The following CNTN5 variants were observed in gnomAD, a reference collection of about 807,000 sequenced individuals.
CNTN5 encodes contactin-5.
In CNTN5, 77 loss-of-function variants were observed where a neutral mutation model predicts 129.1. The observed-to-expected ratio is 0.60, with a 90% CI of 0.50 to 0.72. The LOEUF (loss-of-function observed/expected upper bound fraction) is 0.72, where lower values mean the gene tolerates loss of function less well. CNTN5 is among the 30% of genes least tolerant of loss of function. The pLI is 0.00. For synonymous variants in CNTN5, 509 were observed against 465.6 expected (o/e 1.09, Z -1.20); for missense variants, 1,478 against 1,328.8 (o/e 1.11, Z -1.75).
chr11:99,982,402 G>A (rs1012914491), intron 8 of CNTN5, among the ~76,000 whole-genome samples: 1 of 152,134 alleles, frequency 6.6e-6, no homozygotes, highest in Non-Finnish European at 1.5e-5. Flanking sequence ...ATGGATTGGG[G>A]TAAAAAGACA....
At position 99,633,536 on chromosome 11, in the gene CNTN5, A is replaced by G. The variant is rs1348092046; in HGVS notation, c.55+77267A>G. Among the ~76,000 whole-genome samples, 3 of 152,160 alleles carry G rather than the reference A, an allele frequency of 2.0e-5. No individual in the cohort carries two copies. In the East Asian group the frequency reaches 5.8e-4, roughly 29 times the overall value. ...ACCAGGTACTTCATACTGAAAGGTGACATAAGACAAAATAAATATTTATCA... is the reference window on the plus strand; with the variant it reads ...ACCAGGTACTTCATACTGAAAGGTGGCATAAGACAAAATAAATATTTATCA... On this transcript the variant is annotated intron_variant, in intron 3 of 24. Transcript: ENST00000524871.
At chr11:99,909,814 G>T (rs924944798) in intron 6 of CNTN5, among the ~76,000 whole-genome samples, 5 of 151,746 alleles carry the variant, frequency 3.3e-5, no homozygotes, top group Non-Finnish European at 7.4e-5. Context: ...CCTGTTGTGG[G>T]GTGGGGGGAG....
chr11:99,226,290 C>T (rs1410718276), intron 1 of CNTN5, among the ~76,000 whole-genome samples: 1 of 151,992 alleles, frequency 6.6e-6, no homozygotes, highest in East Asian at 1.9e-4. Context: ...CTTTAGGATC[C>T]CCCTTCACAT....
intron 1 of CNTN5, among the ~76,000 whole-genome samples, chr11:99,229,510 C>A: frequency 1.9e-5 from 2 of 103,662 alleles, no homozygotes; most frequent in Non-Finnish European, 1.9e-5. Flanking sequence ...AATGATAAAA[C>A]TAAATCACAA....
rs1211029444 is a variant in CNTN5 at position 100,037,328 on chromosome 11, T to A, written c.981-23884T>A. Among the ~76,000 whole-genome samples the A allele has an allele frequency of 4.4e-3, 665 of 151,796 alleles. 4 individuals are homozygous for A. The highest frequency in any genetic ancestry group is 7.2e-3 in the Non-Finnish European group (490 of 67,926). On this transcript the variant is annotated intron_variant, in intron 9 of 24. Transcript: ENST00000524871. The stretch of plus-strand genomic sequence containing the variant: ...TCCCAGGGATGAAGCCCACTTGATC[T>A]TGGTGGATAAGCTTTTTGATGTGCT...
chr11:99,458,768 A>G lies in CNTN5; in HGVS notation c.-70-97377A>G, dbSNP rs74905535. Among the ~76,000 whole-genome samples the G allele has an allele frequency of 7.8e-3, 1,191 of 152,144 alleles. 20 individuals carry two copies. Among genetic ancestry groups the G allele is most frequent in the African/African-American group, 0.027 (1,113 of 41,540 alleles). On this transcript the variant is annotated intron_variant, in intron 2 of 24. Transcript: ENST00000524871. ...CATTTCAAGAGAATGTTAGTGAAGG[A>G]AAAACCTGAAGTCTGGGGAACTGAG...
chr11:99,576,039 C>G (rs962976901), intron 3 of CNTN5, among the ~76,000 whole-genome samples: 1 of 152,076 alleles, frequency 6.6e-6, no homozygotes, highest in African/African-American at 2.4e-5. Flanking sequence ...CCTGTATATT[C>G]CAGCAACATT....
chr11:99,459,213 A>G (rs2055603), intron 2 of CNTN5, among the ~76,000 whole-genome samples: 25,041 of 151,918 alleles, frequency 0.16, 2,368 homozygotes, highest in East Asian at 0.4. Flanking sequence ...AGCTGATGGC[A>G]AAGAAGATGG....
chr11:99,260,705 G>T (rs969668128), intron 1 of CNTN5, among the ~76,000 whole-genome samples: 1 of 151,760 alleles, frequency 6.6e-6, no homozygotes, highest in Non-Finnish European at 1.5e-5. Context: ...TGGTATTATT[G>T]GATGGTTATC....
intron 8 of CNTN5, among the ~76,000 whole-genome samples, chr11:99,985,539 G>T (rs186473975): frequency 6.6e-6 from 1 of 152,050 alleles, no homozygotes; most frequent in Non-Finnish European, 1.5e-5. Context: ...GTAAGAAGGC[G>T]TTTTTCAGAA....
rs561061176 is a variant in CNTN5, at chr11:99,641,388, C to A, written c.55+85119C>A. On this transcript the variant is annotated intron_variant, in intron 3 of 24. Coordinates refer to ENST00000524871, the MANE Select transcript of CNTN5 (RefSeq NM_014361.4). ...GTTTATAATACCTCAATTCTAGTTA[C>A]TAAACTGTGAATTGGTTCCAATCCT... 4.9e-5 allele frequency among the ~76,000 whole-genome samples: 7 copies of A among 143,034 alleles called. 1 individual carries two copies. The highest frequency in any genetic ancestry group is 9.3e-5 in the Non-Finnish European group (6 of 64,678). 93.8% of individuals were successfully genotyped at this position (143,034 alleles called of 152,430 possible).
intron 1 of CNTN5, among the ~76,000 whole-genome samples, chr11:99,098,408 G>A (rs1866573898): frequency 6.6e-6 from 1 of 151,932 alleles, no homozygotes; most frequent in Non-Finnish European, 1.5e-5. Context: ...ATTTCCTCGA[G>A]GTACCCAGAC....
intron 2 of CNTN5, among the ~76,000 whole-genome samples, chr11:99,379,399 G>T (rs1940387503): frequency 6.6e-6 from 1 of 151,942 alleles, no homozygotes; most frequent in Non-Finnish European, 1.5e-5. Context: ...CGATCAGTGG[G>T]TGATTGATTT....
At chr11:99,164,534 A>G (rs1202494482) in intron 1 of CNTN5, among the ~76,000 whole-genome samples, 8 of 152,306 alleles carry the variant, frequency 5.3e-5, no homozygotes, top group South Asian at 4.1e-4. Flanking sequence ...TGTATCATAT[A>G]GTTACGTAGT....
intron 9 of CNTN5, among the ~76,000 whole-genome samples, chr11:100,012,267 A>T (rs1591052463): frequency 6.6e-6 from 1 of 152,142 alleles, no homozygotes; most frequent in African/African-American, 2.4e-5. Flanking sequence ...GATGGATCCT[A>T]AAAGAACCTT....
chr11:99,804,462 A>G (rs1946207686), intron 3 of CNTN5, among the ~76,000 whole-genome samples: 1 of 151,878 alleles, frequency 6.6e-6, no homozygotes, highest in African/African-American at 2.4e-5. Context: ...TATACTGAAC[A>G]TGTCAATCCC....
chr11:100,017,579 C>A (rs571908818), intron 9 of CNTN5, among the ~76,000 whole-genome samples: 42 of 151,852 alleles, frequency 2.8e-4, no homozygotes, highest in Non-Finnish European at 5.2e-4. Context: ...TAAATTAGAA[C>A]CTGAGTGATG....
At chr11:99,666,532 G>T (rs1952799340) in intron 3 of CNTN5, among the ~76,000 whole-genome samples, 1 of 152,160 alleles carries the variant, frequency 6.6e-6, no homozygotes, top group African/African-American at 2.4e-5. Context: ...ACCAAGAGTA[G>T]ATTAAAAGGC....
intron 3 of CNTN5, among the ~76,000 whole-genome samples, chr11:99,806,038 T>C (rs1946258659): frequency 6.6e-6 from 1 of 152,192 alleles, no homozygotes; most frequent in African/African-American, 2.4e-5. Context: ...AAGCATTGTG[T>C]CTTTATTGTA....
Sources: gnomAD v4.1 joint callset for allele counts (sites outside exome capture counted in the v4.1 genomes callset) on GRCh38, gnomAD v4.1.1 for gene constraint, MANE v1.5 for transcripts, NCBI Gene and HGNC (gene_info 2026-07-23, HGNC 2026-07-21) for gene names.